The following SCYL2 variants were observed in gnomAD, a reference collection of about 807,000 sequenced individuals.
SCYL2 encodes SCY1-like protein 2.
SCYL2 carries 36 observed loss-of-function variants against 100.4 expected under a neutral mutation model. The ratio of observed to expected loss-of-function variants is 0.36; its 90% CI spans 0.27 to 0.47. The LOEUF (loss-of-function observed/expected upper bound fraction) is 0.47, where lower values mean the gene tolerates loss of function less well. SCYL2 is among the 20% of genes least tolerant of loss of function. The pLI, the probability that SCYL2 is intolerant of heterozygous loss-of-function variation, is 1.00. For missense variants in SCYL2, 902 were observed against 1,083.9 expected (o/e 0.83, Z 2.36); for synonymous variants, 330 against 359.2 (o/e 0.92, Z 0.92).
chr12:100,281,019 GTTTTTTTTTT>G (rs202048587), intron 1 of SCYL2, among the ~76,000 whole-genome samples: 1,564 of 50,444 alleles, frequency 0.031, 26 homozygotes, highest in African/African-American at 0.097. Context: ...TACCATCAGT[GTTTTTTTTTT>G]TTTTTTTTTT....
intron 1 of SCYL2, among the ~76,000 whole-genome samples, chr12:100,275,551 T>A (rs993557377): frequency 2.0e-4 from 30 of 152,350 alleles, no homozygotes; most frequent in Admixed American, 1.6e-3. Flanking sequence ...ATTGCCAAAC[T>A]CATGTATTCA....
chr12:100,294,695 G>C (rs1355165289), intron 3 of SCYL2, among the ~76,000 whole-genome samples: 2 of 126,362 alleles, frequency 1.6e-5, no homozygotes, highest in Admixed American at 7.4e-5. Context: ...GCCGGGCGGG[G>C]GGCTGACCCC....
intron 1 of SCYL2, among the ~76,000 whole-genome samples, chr12:100,276,471 C>G (rs2096292607): frequency 6.6e-6 from 1 of 152,024 alleles, no homozygotes; most frequent in Non-Finnish European, 1.5e-5. Context: ...TAGCTGGGAC[C>G]ATAAGCACAC....
chr12:100,297,987 G>T (rs1264263211), intron 3 of SCYL2, 44 bp from the exon 4 acceptor site: 1 of 1,416,322 alleles, frequency 7.1e-7, no homozygotes, highest in Non-Finnish European at 9.8e-7. Context: ...TTTTGATAAT[G>T]TGTAATAATA....
intron 17 of SCYL2, among the ~76,000 whole-genome samples, chr12:100,338,327 G>A (rs1243945719): frequency 1.3e-5 from 2 of 152,054 alleles, no homozygotes; most frequent in Non-Finnish European, 2.9e-5. Flanking sequence ...TCATCAAATC[G>A]ATTGCAAATA....
At chr12:100,290,365 T>G (rs1385263782) in intron 2 of SCYL2, among the ~76,000 whole-genome samples, 1 of 152,166 alleles carries the variant, frequency 6.6e-6, no homozygotes, top group Non-Finnish European at 1.5e-5. Context: ...AATAATTCCT[T>G]TTTGTTGCCA....
At chr12:100,315,534 T>TA (rs767893426) in intron 8 of SCYL2, 24 bp from the exon 9 acceptor site, 15 of 1,557,668 alleles carry the variant, frequency 9.6e-6, no homozygotes, top group Admixed American at 2.0e-5. Context: ...TATTTTTTTT[T>TA]TAAAAAACAT....
At chr12:100,285,995 C>T (rs576886743) in intron 2 of SCYL2, among the ~76,000 whole-genome samples, 6 of 152,042 alleles carry the variant, frequency 3.9e-5, no homozygotes, top group East Asian at 1.9e-4. Context: ...TACATACATA[C>T]GTACATGTAT....
At chr12:100,317,099 C>CA (rs766952925) in intron 9 of SCYL2, among the ~76,000 whole-genome samples, 570 of 114,384 alleles carry the variant, frequency 5.0e-3, no homozygotes, top group African/African-American at 0.011. Flanking sequence ...GGCCCTGTCT[C>CA]AAAAAAAAAA....
intron 2 of SCYL2, among the ~76,000 whole-genome samples, chr12:100,283,694 A>G (rs1338352464): frequency 2.0e-5 from 3 of 152,200 alleles, no homozygotes; most frequent in Non-Finnish European, 4.4e-5. Context: ...ATACCTCCCA[A>G]TGACTACCAC....
chr12:100,297,675 G>C (rs1039682597), intron 3 of SCYL2, among the ~76,000 whole-genome samples: 1 of 152,122 alleles, frequency 6.6e-6, no homozygotes, highest in African/African-American at 2.4e-5. Flanking sequence ...AATACCATAA[G>C]TGTAATGTAA....
intron 1 of SCYL2, among the ~76,000 whole-genome samples, chr12:100,275,684 A>G (rs1170213174): frequency 6.6e-6 from 1 of 152,042 alleles, no homozygotes; most frequent in African/African-American, 2.4e-5. Flanking sequence ...TTCTTGCTTT[A>G]TTGCCTTGGT....
intron 4 of SCYL2, among the ~76,000 whole-genome samples, chr12:100,301,651 T>C (rs1490349814): frequency 6.6e-6 from 1 of 152,254 alleles, no homozygotes; most frequent in African/African-American, 2.4e-5. Flanking sequence ...TGGTGCAGAT[T>C]AAGTCTGATG....
At chr12:100,291,905 T>C (rs766482806) in intron 3 of SCYL2, 4 of 410,528 alleles carry the variant, frequency 9.7e-6, no homozygotes, top group Non-Finnish European at 1.7e-5. Context: ...CCTGTGCTCA[T>C]GACTACAATA....
chr12:100,337,922 T>A (rs1952300106), intron 17 of SCYL2, among the ~76,000 whole-genome samples: 1 of 152,240 alleles, frequency 6.6e-6, no homozygotes, highest in South Asian at 2.1e-4. Flanking sequence ...ACCTGGCTAG[T>A]ATTTGTTTTC....
In SCYL2 at chr12:100,338,648, A is replaced by G. The variant is rs1210146713; in HGVS notation, c.2266A>G (p.Met756Val). ...TTCTGTTCCTTCCATGGGCATTGGT[A>G]TGATGTTTTCTACACCAACTGATAA... is the stretch of plus-strand genomic sequence containing the variant. ...FTSVPSMGIG[M>V]MFSTPTDNTK... The change falls in exon 18 of 18, where the codon ATG becomes GTG. Residue 756 changes from methionine (M) to valine (V), a missense_variant. Met to Val is a conservative substitution (Grantham distance 21). Transcript: ENST00000360820. 48 of 1,613,874 alleles carry G rather than the reference A, an allele frequency of 3.0e-5. No homozygotes were observed. The highest frequency in any genetic ancestry group is 4.1e-5 in the Non-Finnish European group (48 of 1,179,964).
In SCYL2 at chr12:100,310,247, C is replaced by T. The variant is rs531203671; in HGVS notation, c.481-797C>T. ...CTCCTGACCTGTGATCCGCCTGCCT[C>T]GGCCTCCCAAATGGCTGGGATTACA... is the stretch of plus-strand genomic sequence containing the variant. On this transcript the variant is annotated intron_variant, in intron 4 of 17. Coordinates refer to ENST00000360820, the MANE Select transcript of SCYL2 (RefSeq NM_017988.6). Among the ~76,000 whole-genome samples, 18 of 152,312 alleles carry T rather than the reference C, an allele frequency of 1.2e-4. No individual in the cohort carries two copies. The South Asian group carries it at 1.2e-3, about 11-fold the overall frequency.
intron 1 of SCYL2, among the ~76,000 whole-genome samples, chr12:100,274,430 T>A (rs2135797095): frequency 6.6e-6 from 1 of 152,346 alleles, no homozygotes; most frequent in Non-Finnish European, 1.5e-5. Flanking sequence ...AATGTGTTCC[T>A]ATATATCTCT....
At chr12:100,313,037 G>A (rs911585526) in intron 6 of SCYL2, among the ~76,000 whole-genome samples, 2 of 152,184 alleles carry the variant, frequency 1.3e-5, no homozygotes, top group African/African-American at 2.4e-5. Flanking sequence ...ATCAGGGTGG[G>A]AGGATCACTT....
Sources: allele counts gnomAD v4.1 joint callset (sites outside exome capture counted in the v4.1 genomes callset), GRCh38; gene constraint gnomAD v4.1.1; transcripts MANE v1.5; gene names NCBI Gene and HGNC (gene_info 2026-07-23, HGNC 2026-07-21).